ATXN10: variants seen among roughly 807,000 people sequenced by gnomAD.
ATXN10 encodes ataxin 10, also known as ataxin-10.
Under a neutral mutation model 52.9 loss-of-function variants are expected in ATXN10, and 28 were observed. The observed-to-expected ratio is 0.53, with a 90% CI of 0.39 to 0.73. The LOEUF (loss-of-function observed/expected upper bound fraction) is 0.73. Among genes scored for constraint, ATXN10 ranks in the 30% least tolerant of loss-of-function variants. The pLI, the probability that ATXN10 is intolerant of heterozygous loss-of-function variation, is 0.00. For missense variants in ATXN10, 565 were observed against 577.0 expected (o/e 0.98, Z 0.21); for synonymous variants, 226 against 221.5 (o/e 1.02, Z -0.18).
intron 5 of ATXN10, among the ~76,000 whole-genome samples, chr22:45,710,940 C>T (rs889988471): frequency 9.9e-5 from 15 of 152,134 alleles, no homozygotes; most frequent in Non-Finnish European, 2.1e-4. Flanking sequence ...GCCTGGTTCT[C>T]CTGAACCAGA....
Position 45,712,507 on chromosome 22 carries a change from C to T in ATXN10, c.648-5906C>T, listed in dbSNP as rs1440114546. On this transcript the variant is annotated intron_variant, in intron 5 of 11. Coordinates refer to ENST00000252934, the MANE Select transcript of ATXN10 (RefSeq NM_013236.4). The surrounding 1 kb of genome is among the most constrained non-coding windows in gnomAD (Gnocchi z 4.6). ...AGACAGCGTAGCCAGTGTCACACTGCCAGTGAGTGTTGGGCTGAGACTCAA... is the reference window on the plus strand; with the variant it reads ...AGACAGCGTAGCCAGTGTCACACTGTCAGTGAGTGTTGGGCTGAGACTCAA... Among the ~76,000 whole-genome samples, 2 of 152,176 alleles carry T rather than the reference C, an allele frequency of 1.3e-5. No homozygotes were observed. Among genetic ancestry groups the T allele is most frequent in the Non-Finnish European group, 2.9e-5 (2 of 68,032 alleles).
At chr22:45,815,257 C>G (rs1486044675) in intron 10 of ATXN10, among the ~76,000 whole-genome samples, 1 of 152,176 alleles carries the variant, frequency 6.6e-6, no homozygotes, top group Non-Finnish European at 1.5e-5. Context: ...CTGTACAGTT[C>G]ATCTACCTGA....
chr22:45,768,274 C>T (rs907078174), intron 9 of ATXN10, among the ~76,000 whole-genome samples: 2 of 151,844 alleles, frequency 1.3e-5, no homozygotes, highest in Admixed American at 6.6e-5. Flanking sequence ...AGGTGGACCT[C>T]GGACATATAG....
At position 45,780,553 on chromosome 22, in the gene ATXN10, T is replaced by C. The variant is rs1927113893; in HGVS notation, c.1174-26406T>C. ...CTGTGCCAGCCTGTTTCCCCCTCTG[T>C]AGAATGGGATAACAGGAAGTCCTGC... On this transcript the variant is annotated intron_variant, in intron 9 of 11. Transcript: ENST00000252934. This position sits in a 1 kb window ranked among gnomAD's most constrained non-coding sequence, Gnocchi z 4.0. Among the ~76,000 whole-genome samples, 1 of 152,130 alleles carries C rather than the reference T, an allele frequency of 6.6e-6. No individual in the cohort carries two copies. The highest frequency in any genetic ancestry group is 2.4e-5 in the African/African-American group (1 of 41,428).
chr22:45,683,620 ATCTT>A lies in ATXN10; in HGVS notation c.117-6088_117-6085del, dbSNP rs1265876234. Among the ~76,000 whole-genome samples the A allele has an allele frequency of 6.6e-6, 1 of 152,212 alleles. No homozygotes were observed. The highest frequency in any genetic ancestry group is 1.5e-5 in the Non-Finnish European group (1 of 68,036). On this transcript the variant is annotated intron_variant, in intron 1 of 11. Coordinates refer to ENST00000252934, the MANE Select transcript of ATXN10 (RefSeq NM_013236.4). The surrounding 1 kb of genome is among the most constrained non-coding windows in gnomAD (Gnocchi z 4.8). ...GTTTAAATAATATCTTATGTACAAA[ATCTT>A]TCTCTAAGCATGTAAAGACATTCTC...
At chr22:45,755,530 G>T (rs1388443769) in intron 9 of ATXN10, among the ~76,000 whole-genome samples, 2 of 152,016 alleles carry the variant, frequency 1.3e-5, no homozygotes, top group Admixed American at 6.6e-5. Context: ...CTAAGTTCTG[G>T]GGTTGGTTAC....
At chr22:45,839,607 C>T (rs1569084901) in intron 10 of ATXN10, among the ~76,000 whole-genome samples, 1 of 152,214 alleles carries the variant, frequency 6.6e-6, no homozygotes, top group African/African-American at 2.4e-5. Flanking sequence ...CTACCAAACA[C>T]TTGAAGGGTG....
rs1468133994 is a variant in ATXN10, at chr22:45,841,264, T to C, written c.1238-1727T>C. Among the ~76,000 whole-genome samples the C allele has an allele frequency of 6.6e-6, 1 of 152,246 alleles. No homozygotes were observed. The highest frequency in any genetic ancestry group is 1.5e-5 in the Non-Finnish European group (1 of 68,036). On this transcript the variant is annotated intron_variant, in intron 10 of 11. Coordinates refer to ENST00000252934, the MANE Select transcript of ATXN10 (RefSeq NM_013236.4). The surrounding 1 kb of genome is among the most constrained non-coding windows in gnomAD (Gnocchi z 5.1). ...CACAATAAGAACTTTTTCCCCACCA[T>C]AGACAGATGACTGATTATAGAACCA...
chr22:45,771,260 C>T lies in ATXN10; in HGVS notation c.1173+30722C>T, dbSNP rs148673693. ...CCATACAATGGAATACAACTCTGCA[C>T]ATCCTCGTCAGCTCTTGGTATTGTC... On this transcript the variant is annotated intron_variant, in intron 9 of 11. Transcript: ENST00000252934. 2.6e-5 allele frequency among the ~76,000 whole-genome samples: 4 copies of T among 152,334 alleles called. No homozygotes were observed. In the East Asian group the frequency reaches 7.7e-4, roughly 29 times the overall value.
At chr22:45,796,848 T>C (rs1006883076) in intron 9 of ATXN10, among the ~76,000 whole-genome samples, 1 of 152,106 alleles carries the variant, frequency 6.6e-6, no homozygotes, top group Admixed American at 6.6e-5. Flanking sequence ...TGATAAGAAA[T>C]ATACTTTGAA....
Position 45,750,315 on chromosome 22 carries a change from T to C in ATXN10, c.1173+9777T>C, listed in dbSNP as rs1925900199. On this transcript the variant is annotated intron_variant, in intron 9 of 11. Transcript: ENST00000252934. This position sits in a 1 kb window ranked among gnomAD's most constrained non-coding sequence, Gnocchi z 4.2. Reference sequence around the variant, plus strand: ...TTTCCCATGTTCCCCAGGCTGGTCTTGAACTCCTGAGCTTGAGCAGTCTGT... The same window carrying C: ...TTTCCCATGTTCCCCAGGCTGGTCTCGAACTCCTGAGCTTGAGCAGTCTGT... Among the ~76,000 whole-genome samples the C allele has an allele frequency of 6.6e-6, 1 of 152,040 alleles. No homozygotes were observed. The highest frequency in any genetic ancestry group is 2.1e-4 in the South Asian group (1 of 4,812).
At position 45,825,301 on chromosome 22, in the gene ATXN10, A is replaced by C. The variant is rs1234670142; in HGVS notation, c.1238-17690A>C. Among the ~76,000 whole-genome samples the C allele has an allele frequency of 6.6e-6, 1 of 152,218 alleles. No individual in the cohort carries two copies. The highest frequency in any genetic ancestry group is 1.5e-5 in the Non-Finnish European group (1 of 68,042). On this transcript the variant is annotated intron_variant, in intron 10 of 11. Transcript: ENST00000252934. The surrounding 1 kb of genome is among the most constrained non-coding windows in gnomAD (Gnocchi z 4.5). Reference sequence around the variant, plus strand: ...TGGCTTTCTGGGTATTTAAAAGGCCAGCACCCTTTTTCCCTCTTCCCTTTA... The same window carrying C: ...TGGCTTTCTGGGTATTTAAAAGGCCCGCACCCTTTTTCCCTCTTCCCTTTA...
intron 9 of ATXN10, among the ~76,000 whole-genome samples, chr22:45,785,905 A>T (rs1426070895): frequency 6.6e-6 from 1 of 152,212 alleles, no homozygotes; most frequent in African/African-American, 2.4e-5. Flanking sequence ...TACCTTTCTG[A>T]CATCTAGCTC....
At chr22:45,767,460 A>AT (rs1229852433) in intron 9 of ATXN10, among the ~76,000 whole-genome samples, 1 of 151,830 alleles carries the variant, frequency 6.6e-6, no homozygotes, top group African/African-American at 2.4e-5. Context: ...CACACCACAC[A>AT]TTTTTTCTAT....
At chr22:45,721,197 G>C (rs915615927) in intron 6 of ATXN10, among the ~76,000 whole-genome samples, 2 of 152,126 alleles carry the variant, frequency 1.3e-5, no homozygotes, top group Admixed American at 1.3e-4. Flanking sequence ...GCAAAAATGA[G>C]AGCCTACATT....
rs1929044654 is a variant in ATXN10, at chr22:45,833,082, A to C, written c.1238-9909A>C. ...ATCTCCTTGTTGAAAGAAATCAATCAGACTGCAGGTAACTCTTGAGTCACC... is the reference window on the plus strand; with the variant it reads ...ATCTCCTTGTTGAAAGAAATCAATCCGACTGCAGGTAACTCTTGAGTCACC... On this transcript the variant is annotated intron_variant, in intron 10 of 11. Transcript: ENST00000252934. This position sits in a 1 kb window ranked among gnomAD's most constrained non-coding sequence, Gnocchi z 4.3. Among the ~76,000 whole-genome samples, 1 of 152,262 alleles carries C rather than the reference A, an allele frequency of 6.6e-6. No individual in the cohort carries two copies.
In ATXN10 at chr22:45,775,976, T is replaced by C. The variant is rs1926941480; in HGVS notation, c.1174-30983T>C. Among the ~76,000 whole-genome samples, 1 of 152,178 alleles carries C rather than the reference T, an allele frequency of 6.6e-6. No individual in the cohort carries two copies. Among genetic ancestry groups the C allele is most frequent in the Admixed American group, 6.5e-5 (1 of 15,280 alleles). On this transcript the variant is annotated intron_variant, in intron 9 of 11. Transcript: ENST00000252934. The surrounding 1 kb of genome is among the most constrained non-coding windows in gnomAD (Gnocchi z 4.7). ...GCCACTCCACAGCCCATTGGTTCCG[T>C]CCTTGACCCACACTTGACCTGTCTG...
chr22:45,766,645 G>A lies in ATXN10; in HGVS notation c.1173+26107G>A, dbSNP rs1311776481. 6.6e-6 allele frequency among the ~76,000 whole-genome samples: 1 copy of A among 152,014 alleles called. No individual in the cohort carries two copies. ...GTTCCGTTATATAACCTCCGAGTCT[G>A]GAAGCAATAAGAGAAAAGGTTGATA... On this transcript the variant is annotated intron_variant, in intron 9 of 11. Coordinates refer to ENST00000252934, the MANE Select transcript of ATXN10 (RefSeq NM_013236.4). This position sits in a 1 kb window ranked among gnomAD's most constrained non-coding sequence, Gnocchi z 4.6.
intron 7 of ATXN10, among the ~76,000 whole-genome samples, chr22:45,737,796 T>A (rs780750471): frequency 8.6e-5 from 13 of 151,368 alleles, no homozygotes; most frequent in Non-Finnish European, 1.3e-4. Context: ...CCTCCTAGGT[T>A]GAAACGATTC....
Sources: gnomAD v4.1 joint callset for allele counts (sites outside exome capture counted in the v4.1 genomes callset) on GRCh38, gnomAD v4.1.1 for gene constraint, Gnocchi (gnomAD v3.1) non-coding constraint, MANE v1.5 for transcripts, NCBI Gene and HGNC (gene_info 2026-07-23, HGNC 2026-07-21) for gene names.